FECH: variants seen among roughly 807,000 people sequenced by gnomAD.
FECH encodes ferrochelatase, mitochondrial.
A neutral mutation model predicts 56.9 loss-of-function variants in FECH; 40 were observed. The observed-to-expected ratio is 0.70, with a 90% confidence interval of 0.55 to 0.92. The LOEUF (loss-of-function observed/expected upper bound fraction) is 0.92. Among genes scored for constraint, FECH ranks in the 40% least tolerant of loss-of-function variants. The pLI is 0.00. For missense variants in FECH, 431 were observed against 529.1 expected, an observed-to-expected ratio of 0.81 and a Z score of 1.82; for synonymous variants, 175 against 198.6, an observed-to-expected ratio of 0.88 and a Z score of 1.00.
chr18:57,583,236 A>G (rs1395138111), intron 1 of FECH, among the ~76,000 whole-genome samples: 2 of 152,224 alleles, frequency 1.3e-5, no homozygotes, highest in Admixed American at 6.5e-5. Context: ...CGTCCAGGCT[A>G]AAGGAGTTTA....
intron 8 of FECH, 54 bp downstream of exon 8, chr18:57,554,791 A>T: frequency 7.0e-7 from 1 of 1,429,456 alleles, no homozygotes. Context: ...TATAACTCAT[A>T]AAATAAATTT....
In FECH at chr18:57,551,346, T is replaced by C; in HGVS notation, c.1106A>G (p.Glu369Gly). Residue 369 changes from glutamate (E) to glycine (G), a missense_variant, in exon 10 of 11, where the codon GAG becomes GGG. By Grantham distance (98) the Glu-to-Gly change is moderately conservative. Transcript: ENST00000262093. The part of the protein sequence containing the change: ...ECGVENIRRA[E>G]SLNGNPLFSK... ...GAACAATGGATTTCCATTAAGAGAC[T>C]CAGCTCTTCTGATGTTTTCAACTCC... 1.2e-6 allele frequency: 2 copies of C among 1,613,190 alleles called. No homozygotes were observed. The highest frequency in any genetic ancestry group is 1.7e-6 in the Non-Finnish European group (2 of 1,179,248).
Position 57,562,007 on chromosome 18 carries a change from T to G in FECH, c.705+867A>C, listed in dbSNP as rs895866439. 4.6e-5 allele frequency among the ~76,000 whole-genome samples: 7 copies of G among 152,218 alleles called. No individual in the cohort carries two copies. The East Asian group carries it at 1.3e-3, about 29-fold the overall frequency. ...ACTGCTCTGGGGAGAGCTGGCCTGA[T>G]TTCAATGATGTCTAGCACCATCTAG... On this transcript the variant is annotated intron_variant, in intron 6 of 10. Transcript: ENST00000262093.
In FECH at chr18:57,586,685, G is replaced by GC; in HGVS notation, c.-66dup. Reference sequence around the variant, plus strand: ...GGCGGCGCGCCCAGGTGTCCGCCCAGCAGTGGCCGAGCCGGGTAGCGATCC... The same window carrying GC: ...GGCGGCGCGCCCAGGTGTCCGCCCAGCCAGTGGCCGAGCCGGGTAGCGATCC... On this transcript the variant is annotated 5_prime_UTR_variant, in exon 1 of 11. Coordinates refer to ENST00000262093, the MANE Select transcript of FECH (RefSeq NM_000140.5). 1 of 1,418,402 alleles carries GC rather than the reference G, an allele frequency of 7.1e-7. No individual in the cohort carries two copies. The allele number at this position is 1,418,402 out of a possible 1,614,324, so 87.9% of individuals were successfully genotyped here.
rs1463702074 is a variant in FECH, at chr18:57,544,539, C to T, written c.*6173G>A. Among the ~76,000 whole-genome samples, 1 of 152,246 alleles carries T rather than the reference C, an allele frequency of 6.6e-6. No homozygotes were observed. Among genetic ancestry groups the T allele is most frequent in the Non-Finnish European group, 1.5e-5 (1 of 68,040 alleles). On this transcript the variant is annotated 3_prime_UTR_variant, in exon 11 of 11. Transcript: ENST00000262093. The stretch of plus-strand genomic sequence containing the variant: ...GTTGATGTTTACCAAGCTCTCGCAT[C>T]TGCAGCCAACCTATGGTTGCAATTG...
Position 57,549,189 on chromosome 18 carries a change from G to A in FECH, c.*1523C>T, listed in dbSNP as rs1450048627. On this transcript the variant is annotated 3_prime_UTR_variant, in exon 11 of 11. Transcript: ENST00000262093. Reference sequence around the variant, plus strand: ...TTTTAAAAATGTGGATGCTACTCATGAGGGCTGTCATCAACGTAGGAAAAC... The same window carrying A: ...TTTTAAAAATGTGGATGCTACTCATAAGGGCTGTCATCAACGTAGGAAAAC... 1.3e-5 allele frequency: 2 copies of A among 152,296 alleles called. No homozygotes were observed. Among genetic ancestry groups the A allele is most frequent in the East Asian group, 3.9e-4 (2 of 5,192 alleles). The allele number at this position is 152,296 out of a possible 1,614,324, so 9.4% of individuals were successfully genotyped here.
intron 5 of FECH, among the ~76,000 whole-genome samples, chr18:57,565,120 A>G (rs749190503): frequency 6.6e-6 from 1 of 152,238 alleles, no homozygotes; most frequent in African/African-American, 2.4e-5. Flanking sequence ...AATAAAAACC[A>G]TAGTCAATCT....
chr18:57,586,195 C>A (rs1243030392), intron 1 of FECH, among the ~76,000 whole-genome samples: 2 of 152,236 alleles, frequency 1.3e-5, no homozygotes, highest in East Asian at 3.8e-4. Context: ...CCTTACTATC[C>A]TCTATGGCAG....
chr18:57,578,396 C>T (rs536985785), intron 2 of FECH, among the ~76,000 whole-genome samples: 4 of 152,304 alleles, frequency 2.6e-5, no homozygotes, highest in East Asian at 3.9e-4. Flanking sequence ...CACGGTGGCT[C>T]GTGGCTCATG....
intron 1 of FECH, among the ~76,000 whole-genome samples, chr18:57,581,013 G>A (rs996532116): frequency 2.0e-5 from 3 of 152,204 alleles, no homozygotes; most frequent in South Asian, 2.1e-4. Context: ...GAAGACCAGA[G>A]AGTCCATCCA....
At chr18:57,576,579 G>T (rs12968109) in intron 2 of FECH, among the ~76,000 whole-genome samples, 1 of 151,912 alleles carries the variant, frequency 6.6e-6, no homozygotes, top group Non-Finnish European at 1.5e-5. Flanking sequence ...AGCCACAGAC[G>T]GTATCAGTGT....
Position 57,550,706 on chromosome 18 carries a change from CG to C in FECH, c.*5del. On this transcript the variant is annotated 3_prime_UTR_variant, in exon 11 of 11. Transcript: ENST00000262093. ...TGCCTAACGCCACGGGGTCCACCGG[CG>C]GGGGTCACAGCTGCTGGCTGGTGAA... 1 of 1,613,986 alleles carries C rather than the reference CG, an allele frequency of 6.2e-7. No homozygotes were observed.
chr18:57,555,271 G>C (rs1366074190), intron 7 of FECH, among the ~76,000 whole-genome samples: 1 of 152,198 alleles, frequency 6.6e-6, no homozygotes, highest in Non-Finnish European at 1.5e-5. Flanking sequence ...AGATGAAGAA[G>C]ACACAGAAAA....
At chr18:57,566,348 A>G in intron 5 of FECH, 99 bp downstream of exon 5, 1 of 1,535,220 alleles carries the variant, frequency 6.5e-7, no homozygotes, top group South Asian at 1.1e-5. Flanking sequence ...TTTGCCATTC[A>G]AATTGCAAAT....
chr18:57,581,736 T>C (rs548543613), intron 1 of FECH, among the ~76,000 whole-genome samples: 100 of 152,346 alleles, frequency 6.6e-4, no homozygotes, highest in Non-Finnish European at 1.3e-3. Context: ...CGTTCTGCAG[T>C]GTCCACCATG....
chr18:57,559,312 T>G (rs897326028), intron 6 of FECH, 69 bp from the exon 7 acceptor site: 1 of 1,166,140 alleles, frequency 8.6e-7, no homozygotes, highest in African/African-American at 1.5e-5. Context: ...AAGAAAATAA[T>G]TTTAAAATGA....
Position 57,572,653 on chromosome 18 carries a change from G to A in FECH, c.314+593C>T, listed in dbSNP as rs1023897265. On this transcript the variant is annotated intron_variant, in intron 3 of 10. Transcript: ENST00000262093. Reference sequence around the variant, plus strand: ...CGTGTGTGTGTGTATGTATGTGTATGCTTGGATATGCACGGACTATTTCTG... The same window carrying A: ...CGTGTGTGTGTGTATGTATGTGTATACTTGGATATGCACGGACTATTTCTG... 5.5e-5 allele frequency among the ~76,000 whole-genome samples: 8 copies of A among 145,188 alleles called. 1 individual carries two copies. The South Asian group carries it at 1.8e-3, about 32-fold the overall frequency.
rs2050723088 is a variant in FECH at position 57,546,522 on chromosome 18, T to A, written c.*4190A>T. Among the ~76,000 whole-genome samples the A allele has an allele frequency of 6.6e-6, 1 of 152,200 alleles. No homozygotes were observed. The highest frequency in any genetic ancestry group is 2.4e-5 in the African/African-American group (1 of 41,440). ...TTGGATAAGCACAATGGCATCACAT[T>A]GAGCAAAGGATCTCTTTTACATGCC... On this transcript the variant is annotated 3_prime_UTR_variant, in exon 11 of 11. Coordinates refer to ENST00000262093, the MANE Select transcript of FECH (RefSeq NM_000140.5).
At chr18:57,562,123 T>C (rs1209082245) in intron 6 of FECH, among the ~76,000 whole-genome samples, 1 of 152,026 alleles carries the variant, frequency 6.6e-6, no homozygotes, top group Non-Finnish European at 1.5e-5. Context: ...GAGTGAAAAA[T>C]AAAATGGATC....
Sources: allele counts gnomAD v4.1 joint callset (sites outside exome capture counted in the v4.1 genomes callset), GRCh38; gene constraint gnomAD v4.1.1; transcripts MANE v1.5; gene names NCBI Gene and HGNC (gene_info 2026-07-23, HGNC 2026-07-21).